The following GRIN2D variants were observed in gnomAD, a reference collection of about 807,000 sequenced individuals.
GRIN2D encodes glutamate receptor ionotropic, NMDA 2D.
In GRIN2D, 37 loss-of-function variants were observed where a neutral mutation model predicts 103.2. That is an observed-to-expected ratio of 0.36 (90% CI 0.28 to 0.47). The LOEUF (loss-of-function observed/expected upper bound fraction) is 0.47. Among genes scored for constraint, GRIN2D ranks in the 20% least tolerant of loss-of-function variants. The pLI is 1.00. For missense variants in GRIN2D, 1,557 were observed against 1,910.6 expected, an observed-to-expected ratio of 0.81 and a Z score of 3.45; for synonymous variants, 845 against 885.6, an observed-to-expected ratio of 0.95 and a Z score of 0.81.
intron 11 of GRIN2D, among the ~76,000 whole-genome samples, chr19:48,431,826 C>A (rs895674542): frequency 6.6e-6 from 1 of 152,118 alleles, no homozygotes; most frequent in Non-Finnish European, 1.5e-5. Context: ...CTCAGGTGAT[C>A]CACCCGCCCC....
chr19:48,398,618 G>C lies in GRIN2D; in HGVS notation c.226G>C (p.Ala76Pro). ...ACGCCTGGGCCCGGCCGTGGCGGCGGCGGTGCGCAGCCCGGGCCTAGACGT... is the reference window on the plus strand; with the variant it reads ...ACGCCTGGGCCCGGCCGTGGCGGCGCCGGTGCGCAGCCCGGGCCTAGACGT... Reference protein sequence around the residue: ...AARLGPAVAAAVRSPGLDVRP... With the variant: ...AARLGPAVAAPVRSPGLDVRP... The change falls in exon 3 of 14, where the codon GCG (alanine) becomes CCG (proline). Residue 76 changes from alanine to proline, a missense_variant. Transcript: ENST00000263269. 1 of 1,261,000 alleles carries C rather than the reference G, an allele frequency of 7.9e-7. No homozygotes were observed. The highest frequency in any genetic ancestry group is 1.0e-6 in the Non-Finnish European group (1 of 1,002,038). 78.1% of individuals were successfully genotyped at this position (1,261,000 alleles called of 1,614,324 possible).
At chr19:48,429,170 T>G in intron 11 of GRIN2D, among the ~76,000 whole-genome samples, 1 of 152,204 alleles carries the variant, frequency 6.6e-6, no homozygotes, top group Non-Finnish European at 1.5e-5. Context: ...TAGTTCTATA[T>G]TTATCAGAGT....
chr19:48,439,234 A>G (rs912531990), intron 11 of GRIN2D, among the ~76,000 whole-genome samples: 39 of 151,126 alleles, frequency 2.6e-4, no homozygotes, highest in African/African-American at 8.2e-4. Flanking sequence ...AAAAACAAAC[A>G]AACAAACAAA....
At chr19:48,427,577 T>A (rs1971103405) in intron 11 of GRIN2D, among the ~76,000 whole-genome samples, 1 of 148,560 alleles carries the variant, frequency 6.7e-6, no homozygotes, top group Admixed American at 6.8e-5. Flanking sequence ...CCTCCTGGGT[T>A]CAAGCAATTC....
chr19:48,406,954 T>TTTCCTTTTCTTTCTTTC (rs1239461389), intron 4 of GRIN2D, among the ~76,000 whole-genome samples: 2 of 151,360 alleles, frequency 1.3e-5, no homozygotes, highest in African/African-American at 4.9e-5. Context: ...TTCTTTCTTT[T>TTTCCTTTTCTTTCTTTC]TTTCTTTTTC....
At position 48,421,347 on chromosome 19, in the gene GRIN2D, G is replaced by C. The variant is rs1265404932; in HGVS notation, c.2092-438G>C. On this transcript the variant is annotated intron_variant, in intron 10 of 13. Transcript: ENST00000263269. This position sits in a 1 kb window ranked among gnomAD's most constrained non-coding sequence, Gnocchi z 4.8. ...GGAGGCTGAGGCAGGAGAATCAGTT[G>C]AACCTGGGAGGCGGAGGTTGCAGTG... is the stretch of plus-strand genomic sequence containing the variant. Among the ~76,000 whole-genome samples, 3 of 151,954 alleles carry C rather than the reference G, an allele frequency of 2.0e-5. No individual in the cohort carries two copies. Among genetic ancestry groups the C allele is most frequent in the Non-Finnish European group, 4.4e-5 (3 of 68,012 alleles).
chr19:48,410,341 G>A (rs553181104), intron 4 of GRIN2D, among the ~76,000 whole-genome samples: 15 of 150,546 alleles, frequency 1.0e-4, no homozygotes, highest in Non-Finnish European at 1.5e-4. Context: ...CATCCTGGCC[G>A]ACACAGCAAA....
intron 11 of GRIN2D, among the ~76,000 whole-genome samples, chr19:48,429,587 A>G (rs1389891291): frequency 6.6e-6 from 1 of 151,974 alleles, no homozygotes; most frequent in African/African-American, 2.4e-5. Context: ...TTCAATAGAG[A>G]CAGGGTTTCG....
At chr19:48,416,910 A>G (rs1970956091) in intron 8 of GRIN2D, among the ~76,000 whole-genome samples, 2 of 151,870 alleles carry the variant, frequency 1.3e-5, no homozygotes, top group African/African-American at 4.8e-5. Flanking sequence ...ACGCCTGGCC[A>G]ATTTTTGTAT....
chr19:48,418,435 A>G (rs1882030484), intron 8 of GRIN2D, among the ~76,000 whole-genome samples: 1 of 152,044 alleles, frequency 6.6e-6, no homozygotes, highest in Non-Finnish European at 1.5e-5. Context: ...TGGGGGTGCT[A>G]GGGAGCCTGG....
chr19:48,408,886 C>T (rs944632258), intron 4 of GRIN2D, among the ~76,000 whole-genome samples: 3 of 151,696 alleles, frequency 2.0e-5, no homozygotes, highest in Admixed American at 1.3e-4. Context: ...TGGAAGATCT[C>T]AGTGAAGGGA....
In GRIN2D at chr19:48,443,904, G is replaced by C; in HGVS notation, c.3978G>C (p.Ser1326=). 6.9e-7 allele frequency: 1 copy of C among 1,458,040 alleles called. No individual in the cohort carries two copies. Among genetic ancestry groups the C allele is most frequent in the East Asian group, 3.0e-5 (1 of 33,346 alleles). 90.3% of individuals were successfully genotyped at this position (1,458,040 alleles called of 1,614,324 possible). A position where few individuals can be genotyped will look rare whatever the true frequency, so the allele number is the denominator to read the frequency against. ...GGGACCTGGGCACCCGCAGGGGCTC[G>C]GCGCACTTCTCTAGCCTCGAGTCCG... ...RGGDLGTRRG[S]AHFSSLESEV Residue 1326 remains serine (S), a synonymous_variant, in exon 14 of 14, where the codon TCG becomes TCC. Transcript: ENST00000263269. This position sits in a 1 kb window ranked among gnomAD's most constrained non-coding sequence, Gnocchi z 8.9.
Position 48,398,683 on chromosome 19 carries a change from C to A in GRIN2D, c.291C>A (p.Arg97=). The change falls in exon 3 of 14, where the codon CGC becomes CGA. Residue 97 remains arginine (R), a synonymous_variant. Transcript: ENST00000263269. ...TGGTGCTCAACGGCTCGGACCCGCGCAGCCTCGTGCTGCAGCTCTGCGACC... is the reference window on the plus strand; with the variant it reads ...TGGTGCTCAACGGCTCGGACCCGCGAAGCCTCGTGCTGCAGCTCTGCGACC... The part of the protein sequence containing the change: ...VALVLNGSDP[R]SLVLQLCDLL... 6.8e-7 allele frequency: 1 copy of A among 1,460,214 alleles called. No individual in the cohort carries two copies. Among genetic ancestry groups the A allele is most frequent in the Non-Finnish European group, 9.0e-7 (1 of 1,110,364 alleles). The allele number at this position is 1,460,214 out of a possible 1,614,324, so 90.5% of individuals were successfully genotyped here. A position where few individuals can be genotyped will look rare whatever the true frequency, so the allele number is the denominator to read the frequency against.
Position 48,398,378 on chromosome 19 carries a change from CG to C in GRIN2D, c.-11del. 1 of 1,116,990 alleles carries C rather than the reference CG, an allele frequency of 9.0e-7. No individual in the cohort carries two copies. Among genetic ancestry groups the C allele is most frequent in the Non-Finnish European group, 1.1e-6 (1 of 915,030 alleles). 69.2% of individuals were successfully genotyped at this position (1,116,990 alleles called of 1,614,324 possible). ...GCCCGGGCGCTCAGAGGCCGCCCGG[CG>C]GGGCCCGCAGGCGATGCGCGGCGCC... On this transcript the variant is annotated 5_prime_UTR_variant, in exon 3 of 14. Transcript: ENST00000263269.
intron 7 of GRIN2D, 78 bp from the exon 8 acceptor site, chr19:48,415,924 C>A (rs1429344795): frequency 2.8e-5 from 38 of 1,334,760 alleles, no homozygotes; most frequent in Non-Finnish European, 3.9e-5. Flanking sequence ...TCCCGGGGCC[C>A]GTCTCTGCTC....
In GRIN2D at chr19:48,431,647, C is replaced by T. The variant is rs1367646150; in HGVS notation, c.2252+9702C>T. 4.0e-5 allele frequency among the ~76,000 whole-genome samples: 6 copies of T among 150,576 alleles called. No homozygotes were observed. In the South Asian group the frequency reaches 6.3e-4, roughly 16 times the overall value. ...TTGCCCAGGCTGGAGTGCAATGGCA[C>T]GATCTCAGCTCACTGCAACCTCCAC... On this transcript the variant is annotated intron_variant, in intron 11 of 13. Transcript: ENST00000263269.
intron 11 of GRIN2D, among the ~76,000 whole-genome samples, chr19:48,426,940 C>T (rs1025207106): frequency 1.3e-5 from 2 of 152,088 alleles, no homozygotes; most frequent in African/African-American, 4.8e-5. Context: ...GGGACATACA[C>T]ATTCCTTTTC....
Position 48,425,792 on chromosome 19 carries a change from T to C in GRIN2D, c.2252+3847T>C, listed in dbSNP as rs1444707458. On this transcript the variant is annotated intron_variant, in intron 11 of 13. Coordinates refer to ENST00000263269, the MANE Select transcript of GRIN2D (RefSeq NM_000836.4). ...ATAGATATTTTTCATCTTTTTTTTA[T>C]TGAGATATATACATAGATACAGTGA... is the stretch of plus-strand genomic sequence containing the variant. Among the ~76,000 whole-genome samples, 8 of 152,140 alleles carry C rather than the reference T, an allele frequency of 5.3e-5. 1 individual carries two copies. Among genetic ancestry groups the C allele is most frequent in the Non-Finnish European group, 8.8e-5 (6 of 68,036 alleles).
At chr19:48,433,523 G>A (rs1256762679) in intron 11 of GRIN2D, among the ~76,000 whole-genome samples, 5 of 152,176 alleles carry the variant, frequency 3.3e-5, no homozygotes, top group Admixed American at 1.3e-4. Context: ...TGGCCGGCTC[G>A]CAGGCCAAAC....
Sources: gnomAD v4.1 joint callset for allele counts (sites outside exome capture counted in the v4.1 genomes callset) on GRCh38, gnomAD v4.1.1 for gene constraint, Gnocchi (gnomAD v3.1) non-coding constraint, MANE v1.5 for transcripts, NCBI Gene and HGNC (gene_info 2026-07-23, HGNC 2026-07-21) for gene names.